The following DNAH12 variants were observed in gnomAD, a reference collection of about 807,000 sequenced individuals.
The protein encoded by DNAH12 is dynein axonemal heavy chain 12.
In DNAH12, 285 loss-of-function variants were observed where a neutral mutation model predicts 371.5. The observed-to-expected ratio is 0.77, with a 90% CI of 0.70 to 0.85. The LOEUF (loss-of-function observed/expected upper bound fraction) is 0.85. DNAH12 is among the 40% of genes least tolerant of loss of function. DNAH12 has a pLI of 0.00. For missense variants in DNAH12, 3,611 were observed against 3,689.4 expected, an observed-to-expected ratio of 0.98 and a Z score of 0.55; for synonymous variants, 1,200 against 1,213.0, an observed-to-expected ratio of 0.99 and a Z score of 0.22.
intron 29 of DNAH12, among the ~76,000 whole-genome samples, chr3:57,437,976 C>A (rs2065180735): frequency 6.6e-6 from 1 of 152,176 alleles, no homozygotes; most frequent in Non-Finnish European, 1.5e-5. Flanking sequence ...ACCTAGCTAC[C>A]TGAAATAGGG....
At position 57,507,688 on chromosome 3, in the gene DNAH12, T is replaced by G; in HGVS notation, c.852A>C (p.Lys284Asn). Residue 284 changes from lysine (K) to asparagine (N), a missense_variant, in exon 8 of 74, where the codon AAA becomes AAC. Lys to Asn is a moderately conservative substitution (Grantham distance 94). Coordinates refer to ENST00000495027, the MANE Select transcript of DNAH12 (RefSeq NM_001366028.2). Reference protein sequence around the residue: ...KEALEGVKPEKLDAFYSCVST... With the variant: ...KEALEGVKPENLDAFYSCVST... ...AAACACAGCTATAAAATGCATCCAA[T>G]TTTTCAGGTTTAACACCTTCTAGTG... 1.2e-6 allele frequency: 2 copies of G among 1,609,926 alleles called. No individual in the cohort carries two copies. Among genetic ancestry groups the G allele is most frequent in the Non-Finnish European group, 8.5e-7 (1 of 1,179,428 alleles).
chr3:57,312,940 G>A (rs1559544566), intron 66 of DNAH12, among the ~76,000 whole-genome samples: 1 of 152,026 alleles, frequency 6.6e-6, no homozygotes, highest in African/African-American at 2.4e-5. Flanking sequence ...TTTAAAGGTT[G>A]GTGTAAATAT....
chr3:57,519,854 A>G, intron 4 of DNAH12: 1 of 1,025,354 alleles, frequency 9.8e-7, no homozygotes, highest in Non-Finnish European at 1.6e-6. Flanking sequence ...TGGACTCTGC[A>G]GATGGCGCAC....
At chr3:57,309,920 C>T (rs888236022) in intron 67 of DNAH12, 66 bp from the exon 68 acceptor site, 11 of 1,361,452 alleles carry the variant, frequency 8.1e-6, no homozygotes, top group African/African-American at 5.9e-5. Context: ...GATCAGGATA[C>T]GCTACTCCAA....
At chr3:57,412,265 T>A (rs142671270) in intron 39 of DNAH12, among the ~76,000 whole-genome samples, 1 of 152,112 alleles carries the variant, frequency 6.6e-6, no homozygotes. Context: ...GTGTAAAAAA[T>A]TGACCTATAC....
Position 57,530,657 on chromosome 3 carries a change from G to C in DNAH12, c.171-6773C>G, listed in dbSNP as rs1419988292. ...TTCACCACTGTCAGTAGAGTGTGCT[G>C]TCACTGAGCACGATGCAGTTCTTCA... On this transcript the variant is annotated intron_variant, in intron 2 of 73. Transcript: ENST00000495027. 3 of 477,614 alleles carry C rather than the reference G, an allele frequency of 6.3e-6. No individual in the cohort carries two copies. The East Asian group carries it at 1.0e-4, about 16-fold the overall frequency. The allele number at this position is 477,614 out of a possible 1,614,324, so 29.6% of individuals were successfully genotyped here.
chr3:57,382,357 G>C lies in DNAH12; in HGVS notation c.7897C>G (p.Pro2633Ala), dbSNP rs1417530882. The change falls in exon 50 of 74, where the codon CCT becomes GCT. Residue 2633 changes from proline to alanine, a missense_variant. Coordinates refer to ENST00000495027, the MANE Select transcript of DNAH12 (RefSeq NM_001366028.2). ...DITIVKSMKNPPSGVKLVMAA... is the reference protein window; with the variant it reads ...DITIVKSMKNAPSGVKLVMAA... The stretch of plus-strand genomic sequence containing the variant: ...ATAACTAGTTTAACACCAGATGGAG[G>C]ATTCTTCATTGATTTCACAATCGTA... 4 of 151,960 alleles carry C rather than the reference G, an allele frequency of 2.6e-5. No homozygotes were observed. Among genetic ancestry groups the C allele is most frequent in the African/African-American group, 9.7e-5 (4 of 41,354 alleles). The allele number at this position is 151,960 out of a possible 1,614,324, so 9.4% of individuals were successfully genotyped here.
chr3:57,308,010 G>A (rs951338739), intron 69 of DNAH12, among the ~76,000 whole-genome samples: 5 of 152,148 alleles, frequency 3.3e-5, no homozygotes, highest in African/African-American at 9.7e-5. Context: ...TGTTCCATCT[G>A]CTATTCTACT....
intron 40 of DNAH12, among the ~76,000 whole-genome samples, chr3:57,407,148 T>G (rs1243149631): frequency 6.6e-6 from 1 of 152,014 alleles, no homozygotes; most frequent in Non-Finnish European, 1.5e-5. Context: ...CCGCCCACCT[T>G]GGCCTCCCAA....
intron 25 of DNAH12, among the ~76,000 whole-genome samples, chr3:57,448,443 T>TA (rs1161927746): frequency 6.6e-6 from 1 of 152,144 alleles, no homozygotes. Context: ...GCAGCACGTC[T>TA]GGAGTTGTTC....
At position 57,504,137 on chromosome 3, in the gene DNAH12, C is replaced by A. The variant is rs1361271666; in HGVS notation, c.965G>T (p.Arg322Met). The part of the protein sequence containing the change: ...VKLFDPKDQQ[R>M]LPIFKIELTF... ...CAATTCTATCTTAAATATTGGCAGC[C>A]TTTGTTGATCTTTTGGGTCAAAGAG... Residue 322 changes from arginine to methionine, a missense_variant, in exon 9 of 74, where the codon AGG becomes ATG. Around this residue, in one of 3 missense-constraint regions of DNAH12, gnomAD observed 1,314 missense variants for 1,398.7 expected, o/e 0.94. Transcript: ENST00000495027. The A allele has an allele frequency of 1.2e-6, 2 of 1,613,796 alleles. No individual in the cohort carries two copies. Among genetic ancestry groups the A allele is most frequent in the Non-Finnish European group, 1.7e-6 (2 of 1,179,878 alleles).
intron 15 of DNAH12, 127 bp from the exon 16 acceptor site, chr3:57,470,763 G>C: frequency 1.2e-6 from 1 of 834,654 alleles, no homozygotes; most frequent in Non-Finnish European, 1.8e-6. Context: ...CTGGAGTGCA[G>C]TGGCGTGATC....
chr3:57,325,439 C>T (rs1278733124), intron 62 of DNAH12, among the ~76,000 whole-genome samples: 1 of 152,214 alleles, frequency 6.6e-6, no homozygotes, highest in Non-Finnish European at 1.5e-5. Context: ...CTGCAAACAC[C>T]TCTGCTGATA....
Position 57,408,417 on chromosome 3 carries a change from T to G in DNAH12, c.6139A>C (p.Ile2047Leu), listed in dbSNP as rs2064103805. ...VTPRCIRHFN[I>L]CSINSFSDET... ...TCACTAAAAGAATTAATACTGCAGA[T>G]GTTGAAATGTCGAATACAACGGGGA... Residue 2047 changes from isoleucine (I) to leucine (L), a missense_variant, in exon 40 of 74, where the codon ATC (isoleucine) becomes CTC (leucine). Ile to Leu is a conservative substitution (Grantham distance 5). Around this residue, in one of 3 missense-constraint regions of DNAH12, gnomAD observed 2,266 missense variants for 2,236.9 expected, o/e 1.01. Coordinates refer to ENST00000495027, the MANE Select transcript of DNAH12 (RefSeq NM_001366028.2). 6.4e-7 allele frequency: 1 copy of G among 1,551,484 alleles called. No homozygotes were observed. The highest frequency in any genetic ancestry group is 1.4e-5 in the African/African-American group (1 of 73,046).
intron 62 of DNAH12, among the ~76,000 whole-genome samples, chr3:57,326,718 TTAAATGTAAATGGAC>T (rs1161937923): frequency 6.6e-6 from 1 of 152,110 alleles, no homozygotes; most frequent in African/African-American, 2.4e-5. Context: ...AATATTAACT[TTAAATGTAAATGGAC>T]TAAATGCTCC....
chr3:57,542,971 A>C, intron 1 of DNAH12, 68 bp from the exon 2 acceptor site: 4 of 1,153,472 alleles, frequency 3.5e-6, no homozygotes, highest in Non-Finnish European at 4.6e-6. Context: ...AACATATCTA[A>C]CATATCAATA....
chr3:57,420,309 G>A (rs746539648), intron 36 of DNAH12, among the ~76,000 whole-genome samples: 4 of 152,056 alleles, frequency 2.6e-5, no homozygotes, highest in African/African-American at 4.8e-5. Flanking sequence ...CCTAAGACCC[G>A]ATTCCAGAGC....
chr3:57,524,373 T>C, intron 2 of DNAH12, among the ~76,000 whole-genome samples: 1 of 152,154 alleles, frequency 6.6e-6, no homozygotes, highest in East Asian at 1.9e-4. Context: ...ACCTGGCACA[T>C]AGTAGCTGCT....
chr3:57,471,393 A>G, intron 15 of DNAH12, 79 bp downstream of exon 15: 1 of 1,304,158 alleles, frequency 7.7e-7, no homozygotes, highest in Non-Finnish European at 9.9e-7. Flanking sequence ...ATATTTTTCT[A>G]TACTTTTAAA....
Sources: allele counts gnomAD v4.1 joint callset (sites outside exome capture counted in the v4.1 genomes callset), GRCh38; gene constraint gnomAD v4.1.1; regional missense constraint gnomAD v4.1.1; transcripts MANE v1.5; gene names NCBI Gene and HGNC (gene_info 2026-07-23, HGNC 2026-07-21).